Variants in LYPD6B observed in about 807,000 individuals in gnomAD.
LYPD6B encodes ly6/PLAUR domain-containing protein 6B.
LYPD6B carries 17 observed loss-of-function variants against 22.8 expected under a neutral mutation model. That is an observed-to-expected ratio of 0.75 (90% confidence interval 0.51 to 1.12). The LOEUF (loss-of-function observed/expected upper bound fraction) is 1.12. Among genes scored for constraint, LYPD6B ranks in the 50% most tolerant of loss-of-function variants. The pLI is 0.00. For synonymous variants in LYPD6B, 106 were observed against 91.6 expected, an observed-to-expected ratio of 1.16 and a Z score of -0.90; for missense variants, 221 against 258.3, an observed-to-expected ratio of 0.86 and a Z score of 0.99.
At chr2:149,040,459 C>T (rs1488753491) in intron 1 of LYPD6B, among the ~76,000 whole-genome samples, 1 of 152,142 alleles carries the variant, frequency 6.6e-6, no homozygotes, top group African/African-American at 2.4e-5. Context: ...CTCCTAACCT[C>T]AAGTGATCTG....
chr2:149,156,716 A>T (rs1224201907), intron 2 of LYPD6B, among the ~76,000 whole-genome samples: 2 of 151,632 alleles, frequency 1.3e-5, no homozygotes. Flanking sequence ...ACCTCTTAAG[A>T]CTCTCCAGAT....
chr2:149,044,851 C>T (rs1385702781), intron 1 of LYPD6B, among the ~76,000 whole-genome samples: 1 of 151,566 alleles, frequency 6.6e-6, no homozygotes, highest in Non-Finnish European at 1.5e-5. Context: ...CTTTTTTTAC[C>T]ATCAACTGAC....
chr2:149,048,868 T>C (rs1156769554), intron 1 of LYPD6B, among the ~76,000 whole-genome samples: 1 of 152,186 alleles, frequency 6.6e-6, no homozygotes, highest in African/African-American at 2.4e-5. Context: ...ACACATTTCA[T>C]ATGTATAAAT....
At chr2:149,202,640 C>T (rs1693241369) in intron 3 of LYPD6B, among the ~76,000 whole-genome samples, 1 of 152,114 alleles carries the variant, frequency 6.6e-6, no homozygotes, top group African/African-American at 2.4e-5. Context: ...CTCTAAAATG[C>T]AATTTGCATT....
intron 1 of LYPD6B, among the ~76,000 whole-genome samples, chr2:149,111,599 T>C (rs1390571205): frequency 6.6e-6 from 1 of 152,102 alleles, no homozygotes; most frequent in Non-Finnish European, 1.5e-5. Context: ...AGTTTTGACA[T>C]GGTGAGTTTG....
At chr2:149,057,541 T>G (rs1024322028) in intron 1 of LYPD6B, among the ~76,000 whole-genome samples, 1 of 152,010 alleles carries the variant, frequency 6.6e-6, no homozygotes, top group Non-Finnish European at 1.5e-5. Flanking sequence ...ACTACTCTAT[T>G]TTTGCCTTGT....
chr2:149,103,771 C>CTTTTTTTTT lies in LYPD6B; in HGVS notation c.-66-27097_-66-27089dup, dbSNP rs56739458. Among the ~76,000 whole-genome samples the CTTTTTTTTT allele has an allele frequency of 1.9e-4, 14 of 74,322 alleles. 1 individual carries two copies. Among genetic ancestry groups the CTTTTTTTTT allele is most frequent in the African/African-American group, 4.4e-4 (8 of 18,074 alleles). 48.8% of individuals were successfully genotyped at this position (74,322 alleles called of 152,430 possible). ...TGATGTTCATACACGTTGTGCATAT[C>CTTTTTTTTT]TTTTTTTTTTTTTTTTTTTTTTTGA... On this transcript the variant is annotated intron_variant, in intron 1 of 6. Transcript: ENST00000409642.
chr2:149,178,058 T>C (rs1367907136), intron 3 of LYPD6B, among the ~76,000 whole-genome samples: 1 of 152,190 alleles, frequency 6.6e-6, no homozygotes, highest in Non-Finnish European at 1.5e-5. Context: ...AGAAGTATTT[T>C]TTTTTTCAGG....
intron 1 of LYPD6B, among the ~76,000 whole-genome samples, chr2:149,117,923 C>T (rs780673514): frequency 5.3e-5 from 8 of 152,130 alleles, no homozygotes; most frequent in African/African-American, 1.7e-4. Flanking sequence ...GTTGTAGTCA[C>T]GTCTAGGCTA....
At chr2:149,104,037 C>T (rs1487426007) in intron 1 of LYPD6B, among the ~76,000 whole-genome samples, 1 of 152,028 alleles carries the variant, frequency 6.6e-6, no homozygotes, top group Non-Finnish European at 1.5e-5. Context: ...TTCGGCCTCC[C>T]AAATTGCTGG....
At chr2:149,120,341 A>G (rs71350085) in intron 1 of LYPD6B, among the ~76,000 whole-genome samples, 3 of 116,038 alleles carry the variant, frequency 2.6e-5, no homozygotes, top group South Asian at 5.3e-4. Flanking sequence ...ATATATGTGT[A>G]TATATATATG....
intron 1 of LYPD6B, chr2:149,101,219 C>G (rs1686191109): frequency 6.6e-6 from 1 of 152,306 alleles, no homozygotes. Flanking sequence ...CCGCCAGAGC[C>G]AGTCTCCAAT....
chr2:149,129,422 T>C (rs1687893763), intron 1 of LYPD6B, among the ~76,000 whole-genome samples: 1 of 152,190 alleles, frequency 6.6e-6, no homozygotes, highest in Non-Finnish European at 1.5e-5. Flanking sequence ...TGAATATGTG[T>C]CCCAACCCAT....
rs150170840 is a variant in LYPD6B, at chr2:149,060,802, G to C, written c.-67+22001G>C. On this transcript the variant is annotated intron_variant, in intron 1 of 6. Transcript: ENST00000409642. ...TTCCAAAAGGGTAGGAGCACAGGGA[G>C]AGGTGAAGGATCAGGGTCAACATTA... Among the ~76,000 whole-genome samples, 275 of 152,278 alleles carry C rather than the reference G, an allele frequency of 1.8e-3. 4 individuals carry two copies. The highest frequency in any genetic ancestry group is 5.9e-3 in the African/African-American group (245 of 41,562).
chr2:149,039,363 C>T (rs545233169), intron 1 of LYPD6B, among the ~76,000 whole-genome samples: 2 of 152,186 alleles, frequency 1.3e-5, no homozygotes, highest in African/African-American at 4.8e-5. Flanking sequence ...TCTCAAAAGC[C>T]GGGTCTGGAG....
chr2:149,147,046 T>C (rs1261369458), intron 2 of LYPD6B, among the ~76,000 whole-genome samples: 1 of 151,990 alleles, frequency 6.6e-6, no homozygotes, highest in Non-Finnish European at 1.5e-5. Flanking sequence ...TCCCACACAG[T>C]CTAAGACTCC....
At chr2:149,204,031 A>G (rs1275498527) in intron 3 of LYPD6B, among the ~76,000 whole-genome samples, 2 of 151,714 alleles carry the variant, frequency 1.3e-5, no homozygotes, top group East Asian at 3.9e-4. Context: ...CCCTAAACCC[A>G]TTGAAACCAG....
Position 149,214,899 on chromosome 2 carries a change from A to G in LYPD6B, c.*189A>G. The G allele has an allele frequency of 1.6e-6, 1 of 627,704 alleles. No homozygotes were observed. The highest frequency in any genetic ancestry group is 1.8e-5 in the African/African-American group (1 of 54,884). 38.9% of individuals were successfully genotyped at this position (627,704 alleles called of 1,614,324 possible). A position where few individuals can be genotyped will look rare whatever the true frequency, so the allele number is the denominator to read the frequency against. ...TGAGGCCACAGGACTGAGGATGGGA[A>G]TTTGGCAGGGCCTGAGAAGATGGTC... On this transcript the variant is annotated 3_prime_UTR_variant, in exon 7 of 7. Coordinates refer to ENST00000409642, the MANE Select transcript of LYPD6B (RefSeq NM_177964.5).
chr2:149,155,696 C>T (rs574911346), intron 2 of LYPD6B, among the ~76,000 whole-genome samples: 50 of 152,264 alleles, frequency 3.3e-4, no homozygotes, highest in African/African-American at 1.1e-3. Context: ...CCCAACAGTC[C>T]ATTTTATTTT....
Sources: allele counts gnomAD v4.1 joint callset (sites outside exome capture counted in the v4.1 genomes callset), GRCh38; gene constraint gnomAD v4.1.1; transcripts MANE v1.5; gene names NCBI Gene and HGNC (gene_info 2026-07-23, HGNC 2026-07-21).